The following SAMD3 variants were observed in gnomAD, a reference collection of about 807,000 sequenced individuals.
SAMD3 encodes sterile alpha motif domain containing 3, also known as sterile alpha motif domain-containing protein 3.
SAMD3 carries 63 observed loss-of-function variants against 58.5 expected under a neutral mutation model. The observed-to-expected ratio is 1.08, with a 90% CI of 0.88 to 1.33. SAMD3 has a LOEUF of 1.33. Ranked by LOEUF, SAMD3 falls within the 40% of genes most tolerant of loss-of-function variation. The pLI is 0.00. For synonymous variants in SAMD3, 220 were observed against 210.3 expected (o/e 1.05, Z -0.40); for missense variants, 604 against 608.4 (o/e 0.99, Z 0.08).
In SAMD3 at chr6:130,215,268, T is replaced by C; in HGVS notation, c.6A>G (p.Glu2=). M[E]TWSVEQVCSW... The stretch of plus-strand genomic sequence containing the variant: ...TGCAGACCTGCTCAACTGACCAGGT[T>C]TCCATTGCTGTCTCCTGTAAATACA... The change falls in exon 3 of 12, where the codon GAA becomes GAG. Residue 2 remains glutamate (E), a synonymous_variant. Coordinates refer to ENST00000439090, the MANE Select transcript of SAMD3 (RefSeq NM_001017373.4). 6.2e-7 allele frequency: 1 copy of C among 1,608,392 alleles called. No individual in the cohort carries two copies. Among genetic ancestry groups the C allele is most frequent in the Non-Finnish European group, 8.5e-7 (1 of 1,175,694 alleles).
At chr6:130,166,517 G>A (rs1258648812) in intron 8 of SAMD3, among the ~76,000 whole-genome samples, 1 of 152,210 alleles carries the variant, frequency 6.6e-6, no homozygotes, top group African/African-American at 2.4e-5. Context: ...AGACTTGGGT[G>A]TATTCTGGGC....
intron 7 of SAMD3, chr6:130,176,258 A>G (rs1791714753): frequency 2.0e-6 from 1 of 511,000 alleles, no homozygotes; most frequent in African/African-American, 1.9e-5. Context: ...TCTTTTCCCA[A>G]TGTCATATGG....
intron 2 of SAMD3, among the ~76,000 whole-genome samples, chr6:130,282,760 G>C (rs1775024645): frequency 6.6e-6 from 1 of 152,200 alleles, no homozygotes; most frequent in South Asian, 2.1e-4. Context: ...TTTCATGCAG[G>C]CTCAAGATTC....
At chr6:130,223,673 C>A (rs1485063334), upstream of SAMD3, among the ~76,000 whole-genome samples, 1 of 152,080 alleles carries the variant, frequency 6.6e-6, no homozygotes, top group Non-Finnish European at 1.5e-5. Context: ...TTGGAAACAC[C>A]CTTGCAGGGC....
At chr6:130,307,958 C>T (rs62433914) in intron 2 of SAMD3, among the ~76,000 whole-genome samples, 25,666 of 152,000 alleles carry the variant, frequency 0.17, 2,429 homozygotes, top group East Asian at 0.36. Flanking sequence ...CAAACATGAG[C>T]CAGAAGAGTT....
At chr6:130,223,380 T>C (rs1796291479), upstream of SAMD3, among the ~76,000 whole-genome samples, 1 of 152,188 alleles carries the variant, frequency 6.6e-6, no homozygotes, top group Non-Finnish European at 1.5e-5. Context: ...CATAGCTCAG[T>C]GTGTACGTGA....
chr6:130,349,559 G>A (rs1777582579), intron 1 of SAMD3, among the ~76,000 whole-genome samples: 1 of 152,166 alleles, frequency 6.6e-6, no homozygotes, highest in Non-Finnish European at 1.5e-5. Context: ...AACAGGCTCT[G>A]AAATTGAGGC....
intron 1 of SAMD3, among the ~76,000 whole-genome samples, chr6:130,322,497 C>T (rs1298316469): frequency 6.6e-6 from 1 of 152,144 alleles, no homozygotes; most frequent in Non-Finnish European, 1.5e-5. Flanking sequence ...AGTAGCCGGG[C>T]ATGGTGACAC....
intron 2 of SAMD3, among the ~76,000 whole-genome samples, chr6:130,303,373 G>A (rs1775814988): frequency 6.6e-6 from 1 of 152,168 alleles, no homozygotes; most frequent in African/African-American, 2.4e-5. Context: ...AACTAAAGCA[G>A]CTAGTGTCTA....
Position 130,154,988 on chromosome 6 carries a change from T to C in SAMD3, c.860A>G (p.His287Arg), listed in dbSNP as rs374579204. 2.5e-6 allele frequency: 4 copies of C among 1,613,310 alleles called. No homozygotes were observed. The African/African-American group carries it at 4.0e-5, about 16-fold the overall frequency. The change falls in exon 9 of 12, where the codon CAT becomes CGT. Residue 287 changes from histidine (H) to arginine (R), a missense_variant. Coordinates refer to ENST00000439090, the MANE Select transcript of SAMD3 (RefSeq NM_001017373.4). The part of the protein sequence containing the change: ...AVCFDSELDE[H>R]IKWFQQEYVK... ...GTATTCTTGCTGGAACCACTTAATA[T>C]GTTCATCTAGCTCAGAATCAAAACA...
chr6:130,194,526 G>A (rs1028708984), intron 5 of SAMD3, among the ~76,000 whole-genome samples: 6 of 152,144 alleles, frequency 3.9e-5, no homozygotes, highest in African/African-American at 1.4e-4. Flanking sequence ...ACAAACCCCA[G>A]CCACATCTCC....
At chr6:130,348,812 G>A (rs1359053202) in intron 1 of SAMD3, among the ~76,000 whole-genome samples, 1 of 152,058 alleles carries the variant, frequency 6.6e-6, no homozygotes, top group African/African-American at 2.4e-5. Flanking sequence ...TTCCAAAATT[G>A]ACCACATAGT....
In SAMD3 at chr6:130,207,217, T is replaced by C. The variant is rs189526901; in HGVS notation, c.383+2278A>G. Among the ~76,000 whole-genome samples the C allele has an allele frequency of 4.0e-5, 6 of 148,224 alleles. No individual in the cohort carries two copies. In the East Asian group the frequency reaches 9.8e-4, roughly 24 times the overall value. ...AAAAAAGACCTACAGGTATAGAAGG[T>C]TGCATCCTCATCTGCTGTGTCAAGT... On this transcript the variant is annotated intron_variant, in intron 5 of 11. Coordinates refer to ENST00000439090, the MANE Select transcript of SAMD3 (RefSeq NM_001017373.4).
intron 2 of SAMD3, among the ~76,000 whole-genome samples, chr6:130,242,110 T>A (rs1004566366): frequency 1.3e-5 from 2 of 152,216 alleles, no homozygotes; most frequent in Non-Finnish European, 2.9e-5. Context: ...AGGATAAGTG[T>A]CAATATTATC....
At chr6:130,165,677 T>C (rs566982812) in intron 8 of SAMD3, among the ~76,000 whole-genome samples, 1 of 152,152 alleles carries the variant, frequency 6.6e-6, no homozygotes, top group Non-Finnish European at 1.5e-5. Context: ...GTCAGCTTTT[T>C]TTTTCATGGC....
rs187889616 is a variant in SAMD3 at position 130,205,345 on chromosome 6, C to G, written c.383+4150G>C. Among the ~76,000 whole-genome samples the G allele has an allele frequency of 3.8e-3, 575 of 151,944 alleles. 8 individuals carry two copies. The highest frequency in any genetic ancestry group is 0.013 in the African/African-American group (550 of 41,422). On this transcript the variant is annotated intron_variant, in intron 5 of 11. Transcript: ENST00000439090. ...TTGGGACAGAGTCTCACTATGTCAC[C>G]TAGGCTGGAGTGCAATGGAGTGATC...
At chr6:130,246,400 C>T (rs966144732) in intron 2 of SAMD3, among the ~76,000 whole-genome samples, 3 of 152,070 alleles carry the variant, frequency 2.0e-5, no homozygotes, top group African/African-American at 7.2e-5. Flanking sequence ...TTTCAAATAG[C>T]TTAAAATCAC....
chr6:130,257,900 C>A (rs1180249055), intron 2 of SAMD3, among the ~76,000 whole-genome samples: 1 of 152,030 alleles, frequency 6.6e-6, no homozygotes, highest in East Asian at 1.9e-4. Context: ...TTAGTTTTGT[C>A]TCTTCTTAAG....
rs199770441 is a variant in SAMD3, at chr6:130,146,150, G to A, written c.1055C>T (p.Thr352Ile). ...GTGCCTTGTTTTCTTATAAATATCT[G>A]TTCTTGTAAGAAGTTGGAATTCTCT... ...MFREFQLLTRTDIYKKTRHIL... is the reference protein window; with the variant it reads ...MFREFQLLTRIDIYKKTRHIL... Residue 352 changes from threonine to isoleucine, a missense_variant, in exon 10 of 12, where the codon ACA becomes ATA. Transcript: ENST00000439090. 2 of 1,590,174 alleles carry A rather than the reference G, an allele frequency of 1.3e-6. No individual in the cohort carries two copies. Among genetic ancestry groups the A allele is most frequent in the Non-Finnish European group, 1.7e-6 (2 of 1,169,700 alleles).
Sources: gnomAD v4.1 joint callset for allele counts (sites outside exome capture counted in the v4.1 genomes callset) on GRCh38, gnomAD v4.1.1 for gene constraint, MANE v1.5 for transcripts, NCBI Gene and HGNC (gene_info 2026-07-23, HGNC 2026-07-21) for gene names.